Variants in RORB observed in about 807,000 individuals in gnomAD.
The protein encoded by RORB is RAR related orphan receptor B, also known as nuclear receptor ROR-beta.
RORB carries 6 observed loss-of-function variants against 59.1 expected under a neutral mutation model. The observed-to-expected ratio is 0.10, with a 90% CI of 0.06 to 0.20. RORB has a LOEUF of 0.20. Ranked by LOEUF, RORB falls within the 10% of genes least tolerant of loss-of-function variation. RORB has a pLI of 1.00. For synonymous variants in RORB, 215 were observed against 204.5 expected (o/e 1.05, Z -0.44); for missense variants, 320 against 560.5 (o/e 0.57, Z 4.33).
chr9:74,631,370 G>C (rs1290262156), intron 2 of RORB, among the ~76,000 whole-genome samples: 1 of 152,186 alleles, frequency 6.6e-6, no homozygotes, highest in East Asian at 1.9e-4. Flanking sequence ...TTATTGGCAA[G>C]AGCAATTATA....
chr9:74,638,322 C>T (rs984238082), intron 3 of RORB, among the ~76,000 whole-genome samples: 2 of 152,042 alleles, frequency 1.3e-5, no homozygotes, highest in Non-Finnish European at 2.9e-5. Flanking sequence ...TTTAGAATAC[C>T]ACAATTCAAA....
intron 1 of RORB, among the ~76,000 whole-genome samples, chr9:74,571,415 A>C (rs981196780): frequency 1.3e-5 from 2 of 148,304 alleles, no homozygotes; most frequent in African/African-American, 2.6e-5. Context: ...AAAAAAAAAA[A>C]AACACAGTTT....
At chr9:74,546,825 A>G (rs1480271543) in intron 1 of RORB, among the ~76,000 whole-genome samples, 2 of 152,238 alleles carry the variant, frequency 1.3e-5, no homozygotes, top group Non-Finnish European at 1.5e-5. Context: ...ATAAAGGACT[A>G]TGTTTTGAGA....
At chr9:74,566,499 T>TA (rs1248727540) in intron 1 of RORB, among the ~76,000 whole-genome samples, 1 of 152,140 alleles carries the variant, frequency 6.6e-6, no homozygotes, top group African/African-American at 2.4e-5. Context: ...TCATCTTTTA[T>TA]AAAATAAGCC....
chr9:74,653,639 G>A (rs758392503), intron 4 of RORB, among the ~76,000 whole-genome samples: 4 of 152,132 alleles, frequency 2.6e-5, no homozygotes, highest in African/African-American at 7.2e-5. Context: ...TTGCCTTGGT[G>A]CATGCAGTTG....
At chr9:74,565,096 T>C (rs1822449617) in intron 1 of RORB, among the ~76,000 whole-genome samples, 2 of 152,214 alleles carry the variant, frequency 1.3e-5, no homozygotes, top group Non-Finnish European at 2.9e-5. Flanking sequence ...CCTATTGTGT[T>C]GTTACATCTC....
intron 1 of RORB, among the ~76,000 whole-genome samples, chr9:74,519,220 T>C (rs1826051245): frequency 6.6e-6 from 1 of 152,038 alleles, no homozygotes; most frequent in Non-Finnish European, 1.5e-5. Context: ...TTGTGCTGAT[T>C]TCAGATAAAT....
intron 1 of RORB, among the ~76,000 whole-genome samples, chr9:74,610,747 A>C (rs924299982): frequency 6.6e-6 from 1 of 152,164 alleles, no homozygotes; most frequent in African/African-American, 2.4e-5. Flanking sequence ...TGACTAGAAA[A>C]CCCATGGTGT....
At chr9:74,608,933 C>T (rs1823190664) in intron 1 of RORB, among the ~76,000 whole-genome samples, 1 of 152,094 alleles carries the variant, frequency 6.6e-6, no homozygotes, top group Non-Finnish European at 1.5e-5. Context: ...CCTCATTTTG[C>T]CAATACAGAT....
chr9:74,658,115 T>C (rs1587410041), intron 4 of RORB, among the ~76,000 whole-genome samples: 2 of 151,868 alleles, frequency 1.3e-5, no homozygotes, highest in East Asian at 3.9e-4. Flanking sequence ...ATTTGGTGAA[T>C]GAATATATGA....
chr9:74,652,620 A>C (rs1824013503), intron 4 of RORB, among the ~76,000 whole-genome samples: 1 of 151,972 alleles, frequency 6.6e-6, no homozygotes, highest in African/African-American at 2.4e-5. Flanking sequence ...ACATTTTGTC[A>C]ACATATTTTT....
chr9:74,647,908 T>C (rs1425456438), intron 4 of RORB, among the ~76,000 whole-genome samples: 1 of 152,224 alleles, frequency 6.6e-6, no homozygotes, highest in Non-Finnish European at 1.5e-5. Context: ...TAAAGCAGCA[T>C]CTTTAATGGC....
intron 1 of RORB, among the ~76,000 whole-genome samples, chr9:74,580,704 C>T (rs1477665704): frequency 6.6e-6 from 1 of 152,080 alleles, no homozygotes; most frequent in Non-Finnish European, 1.5e-5. Context: ...CTGCTGATCC[C>T]AACCAATTCA....
At chr9:74,569,304 T>C (rs2118221917) in intron 1 of RORB, among the ~76,000 whole-genome samples, 1 of 152,210 alleles carries the variant, frequency 6.6e-6, no homozygotes, top group East Asian at 1.9e-4. Context: ...GAGATGCTTT[T>C]TTTAACTCTG....
chr9:74,544,894 C>T (rs563976909), intron 1 of RORB, among the ~76,000 whole-genome samples: 6 of 152,264 alleles, frequency 3.9e-5, no homozygotes, highest in African/African-American at 1.4e-4. Flanking sequence ...TTAGAATTTG[C>T]ATTCAGCATG....
At chr9:74,499,819 C>T (rs1354432351) in intron 1 of RORB, among the ~76,000 whole-genome samples, 1 of 152,188 alleles carries the variant, frequency 6.6e-6, no homozygotes, top group Non-Finnish European at 1.5e-5. Context: ...AACTTTCCCC[C>T]TGTGGCTGGG....
At chr9:74,620,851 C>T (rs1299205535) in intron 1 of RORB, among the ~76,000 whole-genome samples, 1 of 152,132 alleles carries the variant, frequency 6.6e-6, no homozygotes, top group East Asian at 1.9e-4. Flanking sequence ...TGTAGTTGAG[C>T]AGTGGGAGTT....
At chr9:74,534,753 G>A (rs1386163338) in intron 1 of RORB, among the ~76,000 whole-genome samples, 10 of 152,138 alleles carry the variant, frequency 6.6e-5, no homozygotes, top group Non-Finnish European at 1.5e-4. Flanking sequence ...TACAGAGGAA[G>A]GGAATATTTT....
At chr9:74,507,078 T>G (rs1243448780) in intron 1 of RORB, among the ~76,000 whole-genome samples, 1 of 152,048 alleles carries the variant, frequency 6.6e-6, no homozygotes, top group Non-Finnish European at 1.5e-5. Context: ...CACCCACGCC[T>G]TATTGCAATT....
Sources: allele counts gnomAD v4.1 joint callset (sites outside exome capture counted in the v4.1 genomes callset), GRCh38; gene constraint gnomAD v4.1.1; transcripts MANE v1.5; gene names NCBI Gene and HGNC (gene_info 2026-07-23, HGNC 2026-07-21).